HOXC13: variants seen among roughly 807,000 people sequenced by gnomAD.
The protein encoded by HOXC13 is homeobox protein Hox-C13.
A neutral mutation model predicts 25.9 loss-of-function variants in HOXC13; 10 were observed. The ratio of observed to expected loss-of-function variants is 0.39; its 90% CI spans 0.24 to 0.65. The LOEUF is 0.65. HOXC13 is among the 30% of genes least tolerant of loss of function. HOXC13 has a pLI of 0.50. For synonymous variants in HOXC13, 233 were observed against 217.1 expected (o/e 1.07, Z -0.64); for missense variants, 439 against 478.3 (o/e 0.92, Z 0.77).
intron 1 of HOXC13, 62 bp from the exon 2 acceptor site, chr12:53,944,938 G>A: frequency 6.2e-7 from 1 of 1,603,502 alleles, no homozygotes; most frequent in Non-Finnish European, 8.5e-7. Flanking sequence ...GGCAGCCTCG[G>A]GTCCTCTATC....
At chr12:53,940,286 C>T (rs1468309773) in intron 1 of HOXC13, among the ~76,000 whole-genome samples, 2 of 152,186 alleles carry the variant, frequency 1.3e-5, no homozygotes, top group Non-Finnish European at 2.9e-5. Context: ...GAATCCCTCC[C>T]CAGCATTGTA....
rs754101821 is a variant in HOXC13 at position 53,945,462 on chromosome 12, A to C, written c.*206A>C. 1 of 617,148 alleles carries C rather than the reference A, an allele frequency of 1.6e-6. No individual in the cohort carries two copies. Among genetic ancestry groups the C allele is most frequent in the Non-Finnish European group, 2.8e-6 (1 of 355,140 alleles). 38.2% of individuals were successfully genotyped at this position (617,148 alleles called of 1,614,324 possible). On this transcript the variant is annotated 3_prime_UTR_variant, in exon 2 of 2. Transcript: ENST00000243056. This position sits in a 1 kb window ranked among gnomAD's most constrained non-coding sequence, Gnocchi z 4.4. ...CCATCCCCAGCCTCCACCCCCATCC[A>C]GATGGGACTCACGTGGCTTCAACAG...
Position 53,945,168 on chromosome 12 carries a change from G to C in HOXC13, c.905G>C (p.Arg302Pro). Residue 302 changes from arginine (R) to proline (P), a missense_variant, in exon 2 of 2, where the codon CGC (arginine) becomes CCC (proline). By Grantham distance (103) the Arg-to-Pro change is moderately radical (BLOSUM62 -2). Coordinates refer to ENST00000243056, the MANE Select transcript of HOXC13 (RefSeq NM_017410.3). The surrounding 1 kb of genome is among the most constrained non-coding windows in gnomAD (Gnocchi z 4.4). ...RISATTNLSERQVTIWFQNRR... is the reference protein window; with the variant it reads ...RISATTNLSEPQVTIWFQNRR... ...TCCGCCACCACGAACCTCTCTGAGC[G>C]CCAGGTAACCATCTGGTTCCAGAAC... 6.2e-7 allele frequency: 1 copy of C among 1,614,158 alleles called. No homozygotes were observed. Among genetic ancestry groups the C allele is most frequent in the African/African-American group, 1.3e-5 (1 of 75,010 alleles).
At position 53,939,265 on chromosome 12, in the gene HOXC13, G is replaced by T. The variant is rs539765984; in HGVS notation, c.359G>T (p.Gly120Val). 3.5e-5 allele frequency: 54 copies of T among 1,556,852 alleles called. No individual in the cohort carries two copies. In the South Asian group the frequency reaches 6.0e-4, roughly 17 times the overall value. Residue 120 changes from glycine to valine, a missense_variant, in exon 1 of 2, where the codon GGC becomes GTC. By Grantham distance (109) the Gly-to-Val change is moderately radical. Coordinates refer to ENST00000243056, the MANE Select transcript of HOXC13 (RefSeq NM_017410.3). The surrounding 1 kb of genome is among the most constrained non-coding windows in gnomAD (Gnocchi z 6.7). ...APPTSSSATL[G>V]YGYPFGGSYY... Reference sequence around the variant, plus strand: ...CCCACCTCGTCCAGCGCCACCCTGGGCTACGGCTACCCCTTCGGGGGCAGC... The same window carrying T: ...CCCACCTCGTCCAGCGCCACCCTGGTCTACGGCTACCCCTTCGGGGGCAGC...
rs760010752 is a variant in HOXC13, at chr12:53,939,348, C to T, written c.442C>T (p.His148Tyr). Residue 148 changes from histidine to tyrosine, a missense_variant, in exon 1 of 2, where the codon CAC becomes TAC. Physicochemically the swap from His to Tyr is moderately conservative, Grantham distance 83. Transcript: ENST00000243056. This position sits in a 1 kb window ranked among gnomAD's most constrained non-coding sequence, Gnocchi z 6.7. ...CCTGCAGCAGAAGCCTTGCGCCTAC[C>T]ACCCGGGCGATAAATACCCGGAGCC... ...VNLQQKPCAY[H>Y]PGDKYPEPSG... The T allele has an allele frequency of 2.2e-5, 35 of 1,604,304 alleles. No homozygotes were observed. Among genetic ancestry groups the T allele is most frequent in the Non-Finnish European group, 3.0e-5 (35 of 1,176,772 alleles).
At position 53,939,203 on chromosome 12, in the gene HOXC13, G is replaced by T; in HGVS notation, c.297G>T (p.Pro99=). Residue 99 remains proline (P), a synonymous_variant, in exon 1 of 2, where the codon CCG becomes CCT. Transcript: ENST00000243056. The surrounding 1 kb of genome is among the most constrained non-coding windows in gnomAD (Gnocchi z 6.7). ...CCGTCTATACGGACATCCCGGCCCC[G>T]GAGGCGGCGCGCCAGTGTGCCCCGC... is the stretch of plus-strand genomic sequence containing the variant. The part of the protein sequence containing the change: ...QGAVYTDIPA[P]EAARQCAPPP... 6.5e-7 allele frequency: 1 copy of T among 1,529,184 alleles called. No homozygotes were observed. 94.7% of individuals were successfully genotyped at this position (1,529,184 alleles called of 1,614,324 possible). A position where few individuals can be genotyped will look rare whatever the true frequency, so the allele number is the denominator to read the frequency against.
Position 53,945,474 on chromosome 12 carries a change from C to A in HOXC13, c.*218C>A. On this transcript the variant is annotated 3_prime_UTR_variant, in exon 2 of 2. Coordinates refer to ENST00000243056, the MANE Select transcript of HOXC13 (RefSeq NM_017410.3). This position sits in a 1 kb window ranked among gnomAD's most constrained non-coding sequence, Gnocchi z 4.4. The stretch of plus-strand genomic sequence containing the variant: ...TCCACCCCCATCCAGATGGGACTCA[C>A]GTGGCTTCAACAGCTTTGGAAATGG... The A allele has an allele frequency of 5.0e-6, 3 of 597,356 alleles. No homozygotes were observed. The highest frequency in any genetic ancestry group is 8.8e-6 in the Non-Finnish European group (3 of 339,788). The allele number at this position is 597,356 out of a possible 1,614,324, so 37.0% of individuals were successfully genotyped here.
chr12:53,944,888 C>A, intron 1 of HOXC13, 112 bp from the exon 2 acceptor site: 2 of 1,363,568 alleles, frequency 1.5e-6, no homozygotes, highest in Non-Finnish European at 2.0e-6. Flanking sequence ...GCAGTGCAAT[C>A]CTCTGGCCCC....
chr12:53,939,179 C>G lies in HOXC13; in HGVS notation c.273C>G (p.Ala91=), dbSNP rs1461026932. ...CTCCCCTGGGCGCCCCTCAGGGCGC[C>G]GTCTATACGGACATCCCGGCCCCGG... is the stretch of plus-strand genomic sequence containing the variant. The part of the protein sequence containing the change: ...PPAPLGAPQG[A]VYTDIPAPEA... Residue 91 remains alanine (A), a synonymous_variant, in exon 1 of 2, where the codon GCC becomes GCG. Transcript: ENST00000243056. The surrounding 1 kb of genome is among the most constrained non-coding windows in gnomAD (Gnocchi z 6.7). 7 of 1,509,780 alleles carry G rather than the reference C, an allele frequency of 4.6e-6. No homozygotes were observed. In the East Asian group the frequency reaches 1.8e-4, roughly 39 times the overall value. The allele number at this position is 1,509,780 out of a possible 1,614,324, so 93.5% of individuals were successfully genotyped here.
At chr12:53,943,158 C>A (rs984267806) in intron 1 of HOXC13, among the ~76,000 whole-genome samples, 1 of 152,134 alleles carries the variant, frequency 6.6e-6, no homozygotes, top group East Asian at 1.9e-4. Flanking sequence ...CTGGTTCTGC[C>A]ACTTAAGTTA....
Position 53,945,603 on chromosome 12 carries a change from A to C in HOXC13, c.*347A>C. 8.0e-6 allele frequency: 3 copies of C among 373,466 alleles called. No individual in the cohort carries two copies. The highest frequency in any genetic ancestry group is 1.5e-5 in the Non-Finnish European group (3 of 202,174). The allele number at this position is 373,466 out of a possible 1,614,324, so 23.1% of individuals were successfully genotyped here. ...GCGCAGAGCCCAATCATTCCAACCA[A>C]AGCAGGGTTGGGGAATCCCGAATGG... is the stretch of plus-strand genomic sequence containing the variant. On this transcript the variant is annotated 3_prime_UTR_variant, in exon 2 of 2. Coordinates refer to ENST00000243056, the MANE Select transcript of HOXC13 (RefSeq NM_017410.3). This position sits in a 1 kb window ranked among gnomAD's most constrained non-coding sequence, Gnocchi z 4.4.
intron 1 of HOXC13, 46 bp from the exon 2 acceptor site, chr12:53,944,954 C>G: frequency 1.2e-6 from 2 of 1,609,860 alleles, no homozygotes; most frequent in East Asian, 2.2e-5. Context: ...CTATCTCAGT[C>G]CAGCCGCTTG....
rs1938693697 is a variant in HOXC13 at position 53,946,420 on chromosome 12, C to CT, written c.*1170dup. On this transcript the variant is annotated 3_prime_UTR_variant, in exon 2 of 2. Coordinates refer to ENST00000243056, the MANE Select transcript of HOXC13 (RefSeq NM_017410.3). ...TTTTGAAATGTTCATCAGGAATAGG[C>CT]TTTTTTAAAAAATGTTGTGTATCTG... 2 of 217,496 alleles carry CT rather than the reference C, an allele frequency of 9.2e-6. No homozygotes were observed. The highest frequency in any genetic ancestry group is 6.8e-5 in the East Asian group (1 of 14,658). The allele number at this position is 217,496 out of a possible 1,614,324, so 13.5% of individuals were successfully genotyped here.
chr12:53,942,154 C>CTTTTTT (rs56678098), intron 1 of HOXC13, among the ~76,000 whole-genome samples: 1 of 39,338 alleles, frequency 2.5e-5, no homozygotes, highest in East Asian at 8.4e-4. Flanking sequence ...TGAGTGTAGA[C>CTTTTTT]TTTTTTTTTT....
chr12:53,945,307 A>T lies in HOXC13; in HGVS notation c.*51A>T. On this transcript the variant is annotated 3_prime_UTR_variant, in exon 2 of 2. Coordinates refer to ENST00000243056, the MANE Select transcript of HOXC13 (RefSeq NM_017410.3). This position sits in a 1 kb window ranked among gnomAD's most constrained non-coding sequence, Gnocchi z 4.4. ...TATTTATGTCTCCGCTTTGTACCAT[A>T]ACCGAACCCACGGAAAGACGCTGCG... 1 of 1,594,662 alleles carries T rather than the reference A, an allele frequency of 6.3e-7. No homozygotes were observed. The highest frequency in any genetic ancestry group is 8.6e-7 in the Non-Finnish European group (1 of 1,166,520).
Position 53,945,549 on chromosome 12 carries a change from C to T in HOXC13, c.*293C>T, listed in dbSNP as rs969735747. The T allele has an allele frequency of 1.3e-5, 6 of 458,452 alleles. No homozygotes were observed. Among genetic ancestry groups the T allele is most frequent in the Admixed American group, 3.5e-5 (1 of 28,304 alleles). The allele number at this position is 458,452 out of a possible 1,614,324, so 28.4% of individuals were successfully genotyped here. A position where few individuals can be genotyped will look rare whatever the true frequency, so the allele number is the denominator to read the frequency against. On this transcript the variant is annotated 3_prime_UTR_variant, in exon 2 of 2. Transcript: ENST00000243056. This position sits in a 1 kb window ranked among gnomAD's most constrained non-coding sequence, Gnocchi z 4.4. ...GGCTGTCGACCTCTACTCCTCCTTG[C>T]GCTCACCTTGCCAGAAAGTCTGGTG... is the stretch of plus-strand genomic sequence containing the variant.
intron 1 of HOXC13, among the ~76,000 whole-genome samples, chr12:53,943,503 C>T (rs1938644293): frequency 6.6e-6 from 1 of 152,160 alleles, no homozygotes; most frequent in Admixed American, 6.5e-5. Context: ...AGTTTATTCT[C>T]ACAGAGGCAG....
Position 53,939,181 on chromosome 12 carries a change from T to G in HOXC13, c.275T>G (p.Val92Gly). Residue 92 changes from valine to glycine, a missense_variant, in exon 1 of 2, where the codon GTC (valine) becomes GGC (glycine). Val to Gly is a moderately radical substitution (Grantham distance 109). Transcript: ENST00000243056. This position sits in a 1 kb window ranked among gnomAD's most constrained non-coding sequence, Gnocchi z 6.7. ...CCCCTGGGCGCCCCTCAGGGCGCCG[T>G]CTATACGGACATCCCGGCCCCGGAG... ...PAPLGAPQGAVYTDIPAPEAA... is the reference protein window; with the variant it reads ...PAPLGAPQGAGYTDIPAPEAA... 6.6e-7 allele frequency: 1 copy of G among 1,517,512 alleles called. No homozygotes were observed. Among genetic ancestry groups the G allele is most frequent in the East Asian group, 2.5e-5 (1 of 39,446 alleles). The allele number at this position is 1,517,512 out of a possible 1,614,324, so 94.0% of individuals were successfully genotyped here. A position where few individuals can be genotyped will look rare whatever the true frequency, so the allele number is the denominator to read the frequency against.
intron 1 of HOXC13, among the ~76,000 whole-genome samples, chr12:53,941,465 C>T (rs567448654): frequency 6.6e-6 from 1 of 152,276 alleles, no homozygotes; most frequent in African/African-American, 2.4e-5. Flanking sequence ...AGAGAAGGAG[C>T]TGTTCTATGT....
Sources: allele counts gnomAD v4.1 joint callset (sites outside exome capture counted in the v4.1 genomes callset), GRCh38; gene constraint gnomAD v4.1.1; non-coding constraint Gnocchi (gnomAD v3.1); transcripts MANE v1.5; gene names NCBI Gene and HGNC (gene_info 2026-07-23, HGNC 2026-07-21).